ANPEP: variants seen among roughly 807,000 people sequenced by gnomAD.
ANPEP encodes alanyl aminopeptidase, membrane.
Under a neutral mutation model 114.6 loss-of-function variants are expected in ANPEP, and 70 were observed. The observed-to-expected ratio is 0.61, with a 90% confidence interval of 0.50 to 0.75. ANPEP has a LOEUF of 0.75. Among genes scored for constraint, ANPEP ranks in the 30% least tolerant of loss-of-function variants. The probability of loss-of-function intolerance (pLI) is 0.00; values close to 1 mark genes in which losing one functional copy is unlikely to be tolerated. For missense variants in ANPEP, 1,184 were observed against 1,259.5 expected (o/e 0.94, Z 0.91); for synonymous variants, 548 against 522.3 (o/e 1.05, Z -0.67).
chr15:89,797,729 A>T lies in ANPEP; in HGVS notation c.2010-7T>A. 6.2e-7 allele frequency: 1 copy of T among 1,613,974 alleles called. No homozygotes were observed. On this transcript the variant is annotated splice_polypyrimidine_tract_variant and splice_region_variant and intron_variant, in intron 14 of 20. Transcript: ENST00000300060. Reference sequence around the variant, plus strand: ...GACAGGGACCTTATGGGCACTGGGAATAAACAGAGGGGCCCAAGTAAAGCA... The same window carrying T: ...GACAGGGACCTTATGGGCACTGGGATTAAACAGAGGGGCCCAAGTAAAGCA...
chr15:89,803,613 TC>T lies in ANPEP; in HGVS notation c.1437+33del. ...GGCCCCTCCAGGCCAAGTCCCCACC[TC>T]CTTCCCCGTGCCCCACGAGGAGCGG... On this transcript the variant is annotated intron_variant, in intron 8 of 20. Coordinates refer to ENST00000300060, the MANE Select transcript of ANPEP (RefSeq NM_001150.3). This position sits in a 1 kb window ranked among gnomAD's most constrained non-coding sequence, Gnocchi z 4.2. The T allele has an allele frequency of 6.2e-7, 1 of 1,603,792 alleles. No individual in the cohort carries two copies. Among genetic ancestry groups the T allele is most frequent in the Non-Finnish European group, 8.5e-7 (1 of 1,174,214 alleles).
chr15:89,805,698 G>A (rs1386153101), intron 2 of ANPEP, among the ~76,000 whole-genome samples: 5 of 152,174 alleles, frequency 3.3e-5, no homozygotes, highest in Non-Finnish European at 5.9e-5. Context: ...CAGGGACCTC[G>A]GGTGAGTTTC....
At chr15:89,792,041 C>T (rs1968637305) in intron 18 of ANPEP, 119 bp downstream of exon 18, 4 of 1,208,712 alleles carry the variant, frequency 3.3e-6, no homozygotes, top group Non-Finnish European at 4.6e-6. Flanking sequence ...GGAAATACTG[C>T]CTCCACCTCA....
In ANPEP at chr15:89,797,419, T is replaced by C. The variant is rs984975457; in HGVS notation, c.2157+156A>G. The C allele has an allele frequency of 1.8e-5, 21 of 1,160,272 alleles. No individual in the cohort carries two copies. In the African/African-American group the frequency reaches 3.1e-4, roughly 17 times the overall value. The allele number at this position is 1,160,272 out of a possible 1,614,324, so 71.9% of individuals were successfully genotyped here. On this transcript the variant is annotated intron_variant, in intron 15 of 20. Transcript: ENST00000300060. ...ACCTGCGTGCTCTCAGGAGAGAACCTGACAAGGCAATCTTTCTTTTTTTTT... is the reference window on the plus strand; with the variant it reads ...ACCTGCGTGCTCTCAGGAGAGAACCCGACAAGGCAATCTTTCTTTTTTTTT...
chr15:89,804,643 C>T (rs2141809498), intron 4 of ANPEP, 26 bp from the exon 5 acceptor site: 1 of 1,607,966 alleles, frequency 6.2e-7, no homozygotes, highest in Non-Finnish European at 8.5e-7. Flanking sequence ...AAGAAGCAGA[C>T]CAGGGGCTCC....
chr15:89,797,378 T>G, intron 15 of ANPEP, 197 bp downstream of exon 15: 1 of 724,872 alleles, frequency 1.4e-6, no homozygotes, highest in Non-Finnish European at 2.1e-6. Context: ...TCCATGTCCC[T>G]CCGGCTCGCT....
intron 15 of ANPEP, among the ~76,000 whole-genome samples, chr15:89,794,938 G>A (rs187233923): frequency 7.2e-5 from 11 of 152,232 alleles, no homozygotes; most frequent in Admixed American, 2.0e-4. Context: ...CAGTCACCTC[G>A]CAATGAGATC....
chr15:89,793,014 C>T (rs773021246), intron 16 of ANPEP, 21 bp downstream of exon 16: 2 of 1,607,640 alleles, frequency 1.2e-6, no homozygotes, highest in Non-Finnish European at 8.5e-7. Context: ...GACTTCCAAA[C>T]CCATGAGAGC....
rs1439344018 is a variant in ANPEP, at chr15:89,803,183, C to T, written c.1569+56G>A. The T allele has an allele frequency of 6.3e-7, 1 of 1,574,930 alleles. No individual in the cohort carries two copies. The highest frequency in any genetic ancestry group is 1.3e-5 in the African/African-American group (1 of 74,098). On this transcript the variant is annotated intron_variant, in intron 10 of 20. Transcript: ENST00000300060. This position sits in a 1 kb window ranked among gnomAD's most constrained non-coding sequence, Gnocchi z 4.2. Reference sequence around the variant, plus strand: ...TTACGCATGTGCTGCCCCCAGGTACCTTCAGCATCTCAAGACCCCAACAGG... The same window carrying T: ...TTACGCATGTGCTGCCCCCAGGTACTTTCAGCATCTCAAGACCCCAACAGG...
intron 15 of ANPEP, among the ~76,000 whole-genome samples, chr15:89,796,439 C>T (rs1405143955): frequency 6.6e-6 from 1 of 152,086 alleles, no homozygotes; most frequent in Admixed American, 6.6e-5. Context: ...ACTTCATTTA[C>T]CAAAATCTCT....
intron 15 of ANPEP, among the ~76,000 whole-genome samples, chr15:89,795,562 C>T (rs1270465873): frequency 6.6e-6 from 1 of 152,172 alleles, no homozygotes; most frequent in Admixed American, 6.6e-5. Context: ...ATTCAAATAA[C>T]TGGAAATAAG....
In ANPEP at chr15:89,801,118, A is replaced by G. The variant is rs1198945794; in HGVS notation, c.1812T>C (p.Asp604=). The G allele has an allele frequency of 7.4e-6, 12 of 1,613,970 alleles. No individual in the cohort carries two copies. Among genetic ancestry groups the G allele is most frequent in the Admixed American group, 1.7e-5 (1 of 60,008 alleles). The change falls in exon 12 of 21, where the codon GAT becomes GAC. Residue 604 remains aspartate (D), a synonymous_variant. Transcript: ENST00000300060. ...AAGGCAGGGCTGGATTACCTCTTACATCTATCAGCCAGTAGTCCTGCTGCT... is the reference window on the plus strand; with the variant it reads ...AAGGCAGGGCTGGATTACCTCTTACGTCTATCAGCCAGTAGTCCTGCTGCT... ...GRQQQDYWLI[D]VRAQNDLFST...
intron 20 of ANPEP, among the ~76,000 whole-genome samples, chr15:89,785,756 A>T (rs1196016568): frequency 6.6e-6 from 1 of 152,230 alleles, no homozygotes; most frequent in Non-Finnish European, 1.5e-5. Context: ...TTTTATTATA[A>T]TATCAATCCA....
At chr15:89,792,366 G>T (rs369471718) in intron 17 of ANPEP, 39 bp from the exon 18 acceptor site, 1 of 1,612,962 alleles carries the variant, frequency 6.2e-7, no homozygotes, top group African/African-American at 1.3e-5. Flanking sequence ...GAACAGCAGC[G>T]GGGAGGGTGG....
intron 1 of ANPEP, among the ~76,000 whole-genome samples, chr15:89,811,291 G>A (rs1894811063): frequency 6.6e-6 from 1 of 152,160 alleles, no homozygotes; most frequent in African/African-American, 2.4e-5. Flanking sequence ...GCCTCCTTCT[G>A]AGCGATAAAA....
chr15:89,805,469 C>T lies in ANPEP; in HGVS notation c.615-6G>A. The T allele has an allele frequency of 6.2e-7, 1 of 1,613,914 alleles. No individual in the cohort carries two copies. The highest frequency in any genetic ancestry group is 8.5e-7 in the Non-Finnish European group (1 of 1,179,948). On this transcript the variant is annotated splice_region_variant and splice_polypyrimidine_tract_variant and intron_variant, in intron 2 of 20. Coordinates refer to ENST00000300060, the MANE Select transcript of ANPEP (RefSeq NM_001150.3). The stretch of plus-strand genomic sequence containing the variant: ...TCTGTGTAGTGGCCACCACCCTGCC[C>T]CAACAGGAAGGTTAGAGGGTGTGCC...
At chr15:89,800,427 C>T (rs1220291040) in intron 12 of ANPEP, among the ~76,000 whole-genome samples, 2 of 152,170 alleles carry the variant, frequency 1.3e-5, no homozygotes, top group East Asian at 3.8e-4. Context: ...TCTTGCCTTC[C>T]TTCATCTGTA....
intron 12 of ANPEP, 35 bp downstream of exon 12, chr15:89,801,076 T>G: frequency 1.9e-6 from 3 of 1,589,864 alleles, no homozygotes; most frequent in Non-Finnish European, 2.6e-6. Context: ...GAGTATGGGG[T>G]GGGGGCTGCT....
rs771145404 is a variant in ANPEP at position 89,790,080 on chromosome 15, AAAAAT to A, written c.2751+375_2751+379del. ...TCTCAAAAAAAAAATAAAAAATAAA[AAAAAT>A]AAAAGAATGCGTTTATTTTTCATAT... On this transcript the variant is annotated intron_variant, in intron 20 of 20. Coordinates refer to ENST00000300060, the MANE Select transcript of ANPEP (RefSeq NM_001150.3). 1.9e-3 allele frequency among the ~76,000 whole-genome samples: 260 copies of A among 140,450 alleles called. 17 individuals are homozygous for A. Among genetic ancestry groups the A allele is most frequent in the African/African-American group, 2.6e-3 (99 of 37,706 alleles). The allele number at this position is 140,450 out of a possible 152,430, so 92.1% of individuals were successfully genotyped here. A position where few individuals can be genotyped will look rare whatever the true frequency, so the allele number is the denominator to read the frequency against.
Sources: gnomAD v4.1 joint callset for allele counts (sites outside exome capture counted in the v4.1 genomes callset) on GRCh38, gnomAD v4.1.1 for gene constraint, Gnocchi (gnomAD v3.1) non-coding constraint, MANE v1.5 for transcripts, NCBI Gene and HGNC (gene_info 2026-07-23, HGNC 2026-07-21) for gene names.